Variants in AAGAB observed in about 807,000 individuals in gnomAD.
The protein encoded by AAGAB is alpha- and gamma-adaptin-binding protein p34.
A neutral mutation model predicts 44.1 loss-of-function variants in AAGAB; 38 were observed. The observed-to-expected ratio is 0.86, with a 90% confidence interval of 0.67 to 1.13. The LOEUF is 1.13. Among genes scored for constraint, AAGAB ranks in the 50% most tolerant of loss-of-function variants. The pLI is 0.00. For missense variants in AAGAB, 450 were observed against 373.8 expected (o/e 1.20, Z -1.68); for synonymous variants, 131 against 131.8 (o/e 0.99, Z 0.04).
intron 1 of AAGAB, among the ~76,000 whole-genome samples, chr15:67,244,923 T>C (rs1043962955): frequency 6.6e-6 from 1 of 152,096 alleles, no homozygotes; most frequent in Admixed American, 6.5e-5. Flanking sequence ...TCATGAGTTA[T>C]TAAGGAAATG....
rs1292478436 is a variant in AAGAB, at chr15:67,231,845, G to C, written c.504C>G (p.Ala168=). The C allele has an allele frequency of 9.3e-6, 15 of 1,612,412 alleles. No homozygotes were observed. The highest frequency in any genetic ancestry group is 1.3e-5 in the Non-Finnish European group (15 of 1,178,838). ...TCATCACTACATTGGACCACACATT[G>C]GCATTCAGGGCTTGGACAATTCGCT... is the stretch of plus-strand genomic sequence containing the variant. ...GVKRIVQALN[A]NVWSNVVMKN... is the part of the protein sequence containing the mutation. The change falls in exon 5 of 10, where the codon GCC becomes GCG. Residue 168 remains alanine, a synonymous_variant. Transcript: ENST00000261880.
chr15:67,254,758 C>T, upstream of AAGAB: 3 of 1,306,670 alleles, frequency 2.3e-6, no homozygotes, highest in South Asian at 3.8e-5. Context: ...CCTGACCCCG[C>T]CCCTAGACCC....
intron 5 of AAGAB, among the ~76,000 whole-genome samples, chr15:67,231,465 GC>G (rs923078879): frequency 2.6e-5 from 4 of 152,138 alleles, no homozygotes; most frequent in Non-Finnish European, 5.9e-5. Context: ...ATCACAGATT[GC>G]CTTGCATAGT....
At chr15:67,236,541 A>C in intron 2 of AAGAB, 37 bp from the exon 3 acceptor site, 1 of 1,608,512 alleles carries the variant, frequency 6.2e-7, no homozygotes, top group Non-Finnish European at 8.5e-7. Flanking sequence ...ACAAAAACAG[A>C]AAAGAGATAG....
intron 5 of AAGAB, among the ~76,000 whole-genome samples, chr15:67,219,580 T>C (rs1248092143): frequency 7.9e-5 from 12 of 152,040 alleles, no homozygotes; most frequent in Admixed American, 7.9e-4. Context: ...CCAAACACGA[T>C]ATGTTCTCAC....
intron 5 of AAGAB, among the ~76,000 whole-genome samples, chr15:67,229,910 G>A (rs1481748778): frequency 6.6e-6 from 1 of 151,990 alleles, no homozygotes; most frequent in South Asian, 2.1e-4. Context: ...GCAGTGGCGC[G>A]ATCTCGGCTC....
At chr15:67,251,558 T>C (rs939500744) in intron 1 of AAGAB, among the ~76,000 whole-genome samples, 2 of 152,294 alleles carry the variant, frequency 1.3e-5, no homozygotes, top group Admixed American at 6.5e-5. Flanking sequence ...ATTTGGACTG[T>C]TTTAAGAATA....
At chr15:67,226,154 T>A (rs1016698748) in intron 5 of AAGAB, among the ~76,000 whole-genome samples, 1 of 152,012 alleles carries the variant, frequency 6.6e-6, no homozygotes, top group Non-Finnish European at 1.5e-5. Context: ...TTAATACGAA[T>A]TGGGGTCTCA....
chr15:67,204,632 T>C (rs908413089), intron 7 of AAGAB, among the ~76,000 whole-genome samples: 9 of 151,864 alleles, frequency 5.9e-5, no homozygotes, highest in African/African-American at 2.4e-5. Context: ...AGAAATGATA[T>C]GAAAAAAAAA....
chr15:67,204,268 C>G (rs1247079372), intron 7 of AAGAB, 120 bp from the exon 8 acceptor site: 1 of 636,460 alleles, frequency 1.6e-6, no homozygotes, highest in Non-Finnish European at 2.7e-6. Context: ...CCAGTGTATA[C>G]CAGCTTTACA....
chr15:67,236,315 G>A, intron 3 of AAGAB, 93 bp downstream of exon 3: 1 of 1,195,616 alleles, frequency 8.4e-7, no homozygotes, highest in Non-Finnish European at 1.2e-6. Flanking sequence ...AGTCACATGG[G>A]ATGTATGTCC....
upstream of AAGAB, chr15:67,254,839 A>C (rs921056710): frequency 1.3e-4 from 196 of 1,560,634 alleles, no homozygotes; most frequent in Non-Finnish European, 1.7e-4. Context: ...GCTCCGGCTG[A>C]AGGTTTCCGT....
chr15:67,241,558 A>C (rs920636518), intron 1 of AAGAB, among the ~76,000 whole-genome samples: 1 of 152,044 alleles, frequency 6.6e-6, no homozygotes, highest in Non-Finnish European at 1.5e-5. Flanking sequence ...GAGCATGGAA[A>C]ATAGACAGCA....
chr15:67,236,945 G>T (rs1964485369), intron 1 of AAGAB, 125 bp from the exon 2 acceptor site: 1 of 670,452 alleles, frequency 1.5e-6, no homozygotes, highest in East Asian at 2.8e-5. Context: ...GATTTCAAAG[G>T]ACCCTGCATT....
chr15:67,223,657 A>G (rs1964135201), intron 5 of AAGAB, among the ~76,000 whole-genome samples: 1 of 152,064 alleles, frequency 6.6e-6, no homozygotes, highest in Non-Finnish European at 1.5e-5. Flanking sequence ...TCTACTCTCC[A>G]CAGAGCAGCC....
At position 67,250,083 on chromosome 15, in the gene AAGAB, G is replaced by A. The variant is rs1419576427; in HGVS notation, c.73+4476C>T. Among the ~76,000 whole-genome samples the A allele has an allele frequency of 2.0e-5, 3 of 152,154 alleles. No homozygotes were observed. The South Asian group carries it at 6.2e-4, about 32-fold the overall frequency. ...GTTTCCAGGGACTTTTCTATCTAAA[G>A]TTCCTTCTAGGGAAGTAGAGTAAGA... On this transcript the variant is annotated intron_variant, in intron 1 of 9. Coordinates refer to ENST00000261880, the MANE Select transcript of AAGAB (RefSeq NM_024666.5).
chr15:67,255,082 C>T, upstream of AAGAB: 1 of 829,026 alleles, frequency 1.2e-6, no homozygotes, highest in Non-Finnish European at 2.0e-6. Flanking sequence ...GAGAGGCTCC[C>T]AAAAATGCCC....
upstream of AAGAB, chr15:67,254,821 G>C: frequency 6.7e-7 from 1 of 1,500,650 alleles, no homozygotes; most frequent in Non-Finnish European, 9.1e-7. Flanking sequence ...TTGCCATGGG[G>C]ACGAGCGGCT....
At chr15:67,251,879 T>C (rs1964880959) in intron 1 of AAGAB, among the ~76,000 whole-genome samples, 1 of 152,248 alleles carries the variant, frequency 6.6e-6, no homozygotes, top group African/African-American at 2.4e-5. Flanking sequence ...AAATACTTCA[T>C]TTTAACGCTA....
Sources: allele counts gnomAD v4.1 joint callset (sites outside exome capture counted in the v4.1 genomes callset), GRCh38; gene constraint gnomAD v4.1.1; transcripts MANE v1.5; gene names NCBI Gene and HGNC (gene_info 2026-07-23, HGNC 2026-07-21).